The following CHD6 variants were observed in gnomAD, a reference collection of about 807,000 sequenced individuals.
CHD6 encodes chromodomain helicase DNA binding protein 6.
CHD6 carries 50 observed loss-of-function variants against 276.9 expected under a neutral mutation model. The observed-to-expected ratio is 0.18, with a 90% CI of 0.14 to 0.23. The LOEUF (loss-of-function observed/expected upper bound fraction) is 0.23. Among genes scored for constraint, CHD6 ranks in the 10% least tolerant of loss-of-function variants. The pLI is 1.00. For missense variants in CHD6, 2,564 were observed against 3,365.8 expected (o/e 0.76, Z 5.89); for synonymous variants, 1,173 against 1,229.3 (o/e 0.95, Z 0.96).
At chr20:41,438,591 A>G (rs2047793648) in intron 26 of CHD6, among the ~76,000 whole-genome samples, 1 of 152,102 alleles carries the variant, frequency 6.6e-6, no homozygotes, top group Non-Finnish European at 1.5e-5. Context: ...CTCCATCACA[A>G]ACAAACAAAA....
At chr20:41,463,018 T>C (rs2042838779) in intron 17 of CHD6, among the ~76,000 whole-genome samples, 1 of 152,208 alleles carries the variant, frequency 6.6e-6, no homozygotes, top group South Asian at 2.1e-4. Flanking sequence ...AACATATTAC[T>C]GTGTCAGATG....
At chr20:41,504,077 C>CAGAAAAAAAAA (rs2043910554) in intron 5 of CHD6, among the ~76,000 whole-genome samples, 1 of 27,096 alleles carries the variant, frequency 3.7e-5, no homozygotes, top group African/African-American at 1.3e-4. Context: ...GACTCTGTCT[C>CAGAAAAAAAAA]AAAAAAAAAA....
rs762177192 is a variant in CHD6 at position 41,488,624 on chromosome 20, A to G, written c.1681-20T>C. 3.7e-6 allele frequency: 6 copies of G among 1,607,878 alleles called. No homozygotes were observed. The South Asian group carries it at 6.7e-5, about 18-fold the overall frequency. ...GTTTCCCTGAGGATGACACAACCAAAGTCAAAGCTTTACACCATGGCTATA... is the reference window on the plus strand; with the variant it reads ...GTTTCCCTGAGGATGACACAACCAAGGTCAAAGCTTTACACCATGGCTATA... On this transcript the variant is annotated intron_variant, in intron 12 of 36. Transcript: ENST00000373233.
chr20:41,532,606 AG>A (rs1395177909), intron 3 of CHD6, among the ~76,000 whole-genome samples: 1 of 152,234 alleles, frequency 6.6e-6, no homozygotes, highest in African/African-American at 2.4e-5. Context: ...GTATTAATTA[AG>A]GTTATCTTTC....
intron 1 of CHD6, among the ~76,000 whole-genome samples, chr20:41,606,153 G>A (rs188221264): frequency 8.8e-4 from 134 of 152,198 alleles, no homozygotes; most frequent in Non-Finnish European, 1.5e-3. Flanking sequence ...TGAGGCAGGC[G>A]AATCACGAGG....
chr20:41,430,392 CT>C (rs950827466), intron 27 of CHD6, among the ~76,000 whole-genome samples: 44 of 152,192 alleles, frequency 2.9e-4, no homozygotes, highest in African/African-American at 1.0e-3. Context: ...CTCCAGTGTC[CT>C]CCTAATTGAT....
chr20:41,604,573 G>A (rs1223394172), intron 1 of CHD6, among the ~76,000 whole-genome samples: 1 of 152,012 alleles, frequency 6.6e-6, no homozygotes, highest in South Asian at 2.1e-4. Context: ...TAAGCATGTG[G>A]GTGACTCAAA....
intron 1 of CHD6, among the ~76,000 whole-genome samples, chr20:41,588,557 T>A (rs118189716): frequency 6.6e-6 from 1 of 152,246 alleles, no homozygotes; most frequent in East Asian, 1.9e-4. Context: ...CAAAAACCCA[T>A]CTCACATGAG....
chr20:41,511,768 AT>A (rs1050577456), intron 5 of CHD6, among the ~76,000 whole-genome samples: 2 of 152,108 alleles, frequency 1.3e-5, no homozygotes, highest in African/African-American at 4.8e-5. Context: ...TATAAAGTTC[AT>A]GTTGGAAATG....
At chr20:41,501,711 T>TA (rs1396707953) in intron 5 of CHD6, among the ~76,000 whole-genome samples, 6 of 152,208 alleles carry the variant, frequency 3.9e-5, no homozygotes, top group Non-Finnish European at 7.4e-5. Flanking sequence ...CTAATTTTAA[T>TA]AAATATTGTC....
At chr20:41,482,702 G>A (rs1006368757) in intron 16 of CHD6, among the ~76,000 whole-genome samples, 2 of 152,182 alleles carry the variant, frequency 1.3e-5, no homozygotes, top group Non-Finnish European at 2.9e-5. Context: ...AACAAATGTA[G>A]TTTCCATACA....
intron 16 of CHD6, among the ~76,000 whole-genome samples, chr20:41,474,886 T>C (rs1234023265): frequency 6.6e-6 from 1 of 152,200 alleles, no homozygotes; most frequent in Non-Finnish European, 1.5e-5. Flanking sequence ...AAATGCTGTC[T>C]CCCTTTTATA....
At chr20:41,462,871 T>C (rs977368010) in intron 17 of CHD6, among the ~76,000 whole-genome samples, 2 of 152,220 alleles carry the variant, frequency 1.3e-5, no homozygotes, top group African/African-American at 4.8e-5. Flanking sequence ...GAAACATCAT[T>C]GCAGTAGCAA....
At chr20:41,513,955 T>C (rs2044186133) in intron 4 of CHD6, among the ~76,000 whole-genome samples, 1 of 152,108 alleles carries the variant, frequency 6.6e-6, no homozygotes, top group Non-Finnish European at 1.5e-5. Flanking sequence ...AAACACCTAA[T>C]TCCCTGCCAA....
At chr20:41,605,231 T>C (rs6029735) in intron 1 of CHD6, among the ~76,000 whole-genome samples, 71 of 152,300 alleles carry the variant, frequency 4.7e-4, no homozygotes, top group African/African-American at 1.7e-3. Flanking sequence ...GGATGGGTGT[T>C]CATGGTATTG....
chr20:41,533,338 C>G lies in CHD6; in HGVS notation c.266G>C (p.Gly89Ala). Residue 89 changes from glycine to alanine, a missense_variant, in exon 3 of 37, where the codon GGT (glycine) becomes GCT (alanine). Physicochemically the swap from Gly to Ala is moderately conservative, Grantham distance 60. Transcript: ENST00000373233. Reference protein sequence around the residue: ...HNGMEDSGGGGTGVKKKRKKK... With the variant: ...HNGMEDSGGGATGVKKKRKKK... ...CTTCCGTTTCTTCTTCACTCCAGTA[C>G]CTCCTCCTCCACTGTCCTCCATCCC... 1 of 1,614,080 alleles carries G rather than the reference C, an allele frequency of 6.2e-7. No homozygotes were observed. The highest frequency in any genetic ancestry group is 8.5e-7 in the Non-Finnish European group (1 of 1,180,006).
intron 1 of CHD6, among the ~76,000 whole-genome samples, chr20:41,598,638 G>A (rs967391577): frequency 6.6e-6 from 1 of 152,216 alleles, no homozygotes; most frequent in Admixed American, 6.5e-5. Flanking sequence ...AAAGCCCTGC[G>A]GGTCAGCCCC....
intron 34 of CHD6, chr20:41,414,720 A>G (rs2046941639): frequency 1.8e-6 from 1 of 558,712 alleles, no homozygotes. Flanking sequence ...TTTACACAGG[A>G]GCAAAGTGAG....
Position 41,568,157 on chromosome 20 carries a change from T to TAC in CHD6, c.-23-16799_-23-16798dup, listed in dbSNP as rs142120389. Among the ~76,000 whole-genome samples, 414 of 152,292 alleles carry TAC rather than the reference T, an allele frequency of 2.7e-3. 1 individual carries two copies. Among genetic ancestry groups the TAC allele is most frequent in the African/African-American group, 9.5e-3 (396 of 41,568 alleles). On this transcript the variant is annotated intron_variant, in intron 1 of 36. Transcript: ENST00000373233. ...GCACATTTTAGACAAGATAGATAGA[T>TAC]ACTTCAGATAATATTACTTGATACA...
Sources: gnomAD v4.1 joint callset for allele counts (sites outside exome capture counted in the v4.1 genomes callset) on GRCh38, gnomAD v4.1.1 for gene constraint, MANE v1.5 for transcripts, NCBI Gene and HGNC (gene_info 2026-07-23, HGNC 2026-07-21) for gene names.